The following MCF2L2 variants were observed in gnomAD, a reference collection of about 807,000 sequenced individuals.
The protein encoded by MCF2L2 is MCF.2 cell line derived transforming sequence-like 2, also known as probable guanine nucleotide exchange factor MCF2L2.
In MCF2L2, 102 loss-of-function variants were observed where a neutral mutation model predicts 150.2. The observed-to-expected ratio is 0.68, with a 90% CI of 0.58 to 0.80. The LOEUF (loss-of-function observed/expected upper bound fraction) is 0.80. Ranked by LOEUF, MCF2L2 falls within the 30% of genes least tolerant of loss-of-function variation. MCF2L2 has a pLI of 0.00. For missense variants in MCF2L2, 1,256 were observed against 1,372.8 expected (o/e 0.91, Z 1.34); for synonymous variants, 465 against 491.3 (o/e 0.95, Z 0.71).
intron 3 of MCF2L2, among the ~76,000 whole-genome samples, chr3:183,359,002 G>C (rs1711961851): frequency 7.1e-6 from 1 of 141,472 alleles, no homozygotes; most frequent in Non-Finnish European, 1.5e-5. Context: ...AAGTTCATTG[G>C]GTTTTTTTTT....
Position 183,219,866 on chromosome 3 carries a change from C to A in MCF2L2, c.2360G>T (p.Gly787Val), listed in dbSNP as rs1560349594. 1 of 1,611,672 alleles carries A rather than the reference C, an allele frequency of 6.2e-7. No homozygotes were observed. Among genetic ancestry groups the A allele is most frequent in the Non-Finnish European group, 8.5e-7 (1 of 1,177,890 alleles). The change falls in exon 21 of 30, where the codon GGC (glycine) becomes GTC (valine). Residue 787 changes from glycine (G) to valine (V), a missense_variant. Transcript: ENST00000328913. Reference sequence around the variant, plus strand: ...TTTAATATTGAGTACCTTAGCCGAGCCTCCTAGTTCACCTGGGTCTATCTC... The same window carrying A: ...TTTAATATTGAGTACCTTAGCCGAGACTCCTAGTTCACCTGGGTCTATCTC... ...DMEIDPGELG[G>V]SAKDGPKRTK...
chr3:183,412,842 T>C (rs181587455), intron 1 of MCF2L2, among the ~76,000 whole-genome samples: 37 of 152,362 alleles, frequency 2.4e-4, no homozygotes, highest in African/African-American at 8.7e-4. Flanking sequence ...CAGCACTAAC[T>C]ATGATGTTAA....
intron 3 of MCF2L2, among the ~76,000 whole-genome samples, chr3:183,364,680 A>G (rs1342831813): frequency 6.6e-6 from 1 of 152,182 alleles, no homozygotes; most frequent in Non-Finnish European, 1.5e-5. Flanking sequence ...AGGAAGGGGA[A>G]AGCACAGGTA....
chr3:183,310,570 G>C (rs1054593701), intron 9 of MCF2L2: 2 of 300,570 alleles, frequency 6.7e-6, no homozygotes, highest in African/African-American at 4.6e-5. Context: ...GGCTGAGGTG[G>C]GAGGATAGCT....
At chr3:183,207,251 G>A (rs1313977677) in intron 23 of MCF2L2, among the ~76,000 whole-genome samples, 2 of 152,176 alleles carry the variant, frequency 1.3e-5, no homozygotes, top group African/African-American at 2.4e-5. Context: ...AAGATACACC[G>A]TTGAGAAGGA....
chr3:183,411,091 C>T (rs1013044387), intron 1 of MCF2L2, among the ~76,000 whole-genome samples: 1 of 152,172 alleles, frequency 6.6e-6, no homozygotes, highest in African/African-American at 2.4e-5. Context: ...GCCAAGACCA[C>T]CTGGGTTCAA....
chr3:183,360,980 AAAG>A (rs1389356003), intron 3 of MCF2L2, among the ~76,000 whole-genome samples: 2 of 124,612 alleles, frequency 1.6e-5, no homozygotes, highest in African/African-American at 9.3e-5. Context: ...AAAGAAAAGA[AAAG>A]AAAAGAAAAG....
At chr3:183,195,120 C>T in intron 26 of MCF2L2, 102 bp downstream of exon 26, 1 of 990,812 alleles carries the variant, frequency 1.0e-6, no homozygotes, top group Non-Finnish European at 1.5e-6. Flanking sequence ...TGTAATAAGC[C>T]AAGTGTTGGG....
rs754239254 is a variant in MCF2L2 at position 183,309,820 on chromosome 3, C to T, written c.1009G>A (p.Asp337Asn). ...TCTGCTTGCTCTTCCAGCAAATTAT[C>T]CAGGGCAAGCTTAGCCTACAAGAAA... ...HDFCKAKLAL[D>N]NLLEEQAEFT... is the part of the protein sequence containing the mutation. The change falls in exon 10 of 30, where the codon GAT (aspartate) becomes AAT (asparagine). Residue 337 changes from aspartate to asparagine, a missense_variant. Coordinates refer to ENST00000328913, the MANE Select transcript of MCF2L2 (RefSeq NM_015078.4). The T allele has an allele frequency of 1.2e-6, 2 of 1,613,888 alleles. No individual in the cohort carries two copies. The highest frequency in any genetic ancestry group is 1.7e-6 in the Non-Finnish European group (2 of 1,180,006).
chr3:183,274,235 T>C (rs1363763645), intron 15 of MCF2L2, among the ~76,000 whole-genome samples: 1 of 152,010 alleles, frequency 6.6e-6, no homozygotes, highest in Non-Finnish European at 1.5e-5. Flanking sequence ...AATGCATTTC[T>C]CAGAACTTAT....
chr3:183,180,410 T>C, intron 27 of MCF2L2: 1 of 424,966 alleles, frequency 2.4e-6, no homozygotes, highest in Non-Finnish European at 4.2e-6. Context: ...TACCTCCCCG[T>C]TCCTCCAAGA....
At chr3:183,184,972 A>G (rs1290686143) in intron 27 of MCF2L2, among the ~76,000 whole-genome samples, 1 of 150,020 alleles carries the variant, frequency 6.7e-6, no homozygotes, top group East Asian at 2.0e-4. Context: ...GCTGGAGTGC[A>G]GTGACACGAT....
At chr3:183,294,629 A>ATT (rs1285808350) in intron 13 of MCF2L2, among the ~76,000 whole-genome samples, 3 of 125,266 alleles carry the variant, frequency 2.4e-5, no homozygotes, top group Admixed American at 8.3e-5. Context: ...ATATATATAT[A>ATT]TATATTTTTT....
chr3:183,389,856 A>C, intron 1 of MCF2L2, 77 bp from the exon 2 acceptor site: 1 of 1,189,660 alleles, frequency 8.4e-7, no homozygotes. Context: ...AACAAAGGCA[A>C]GTTGTACTAT....
chr3:183,396,651 T>C (rs1279375938), intron 1 of MCF2L2, among the ~76,000 whole-genome samples: 2 of 152,212 alleles, frequency 1.3e-5, no homozygotes, highest in South Asian at 2.1e-4. Context: ...GGATTCTGTA[T>C]ATATTTATTA....
chr3:183,358,880 G>A (rs1009974816), intron 3 of MCF2L2, among the ~76,000 whole-genome samples: 2 of 151,964 alleles, frequency 1.3e-5, no homozygotes, highest in Non-Finnish European at 2.9e-5. Flanking sequence ...TTGGCCTCCC[G>A]AAGTGCTGGG....
intron 27 of MCF2L2, chr3:183,182,526 TC>T (rs1721563488): frequency 6.6e-6 from 1 of 152,164 alleles, no homozygotes; most frequent in African/African-American, 2.4e-5. Flanking sequence ...TCCTCATCTG[TC>T]CCACCTCATC....
At chr3:183,189,384 A>T (rs1380361349) in intron 27 of MCF2L2, among the ~76,000 whole-genome samples, 1 of 152,130 alleles carries the variant, frequency 6.6e-6, no homozygotes, top group African/African-American at 2.4e-5. Flanking sequence ...ATTTGATCCT[A>T]GTTATTATTC....
intron 15 of MCF2L2, among the ~76,000 whole-genome samples, chr3:183,245,875 T>C (rs1294516188): frequency 6.6e-6 from 1 of 152,230 alleles, no homozygotes; most frequent in South Asian, 2.1e-4. Flanking sequence ...CTGCCTTCTC[T>C]TCCTTCTTCT....
Sources: allele counts gnomAD v4.1 joint callset (sites outside exome capture counted in the v4.1 genomes callset), GRCh38; gene constraint gnomAD v4.1.1; transcripts MANE v1.5; gene names NCBI Gene and HGNC (gene_info 2026-07-23, HGNC 2026-07-21).